Variants in STX7 observed in about 807,000 individuals in gnomAD.
STX7 encodes syntaxin-7.
Under a neutral mutation model 39.6 loss-of-function variants are expected in STX7, and 34 were observed. The observed-to-expected ratio is 0.86, with a 90% CI of 0.65 to 1.14. The LOEUF (loss-of-function observed/expected upper bound fraction) is 1.14. Among genes scored for constraint, STX7 ranks in the 50% most tolerant of loss-of-function variants. The pLI is 0.00. For synonymous variants in STX7, 119 were observed against 99.1 expected, an observed-to-expected ratio of 1.20 and a Z score of -1.19; for missense variants, 284 against 310.4, an observed-to-expected ratio of 0.92 and a Z score of 0.64.
At chr6:132,495,515 C>G (rs964061742) in intron 2 of STX7, among the ~76,000 whole-genome samples, 1 of 152,114 alleles carries the variant, frequency 6.6e-6, no homozygotes, top group Non-Finnish European at 1.5e-5. Flanking sequence ...AAACTGCCTT[C>G]CCATCCCACC....
chr6:132,485,178 G>A (rs1029109833), intron 2 of STX7, among the ~76,000 whole-genome samples: 1 of 152,012 alleles, frequency 6.6e-6, no homozygotes, highest in African/African-American at 2.4e-5. Context: ...CCTCCCTCCT[G>A]CATATCTGTT....
chr6:132,508,986 G>A (rs569846314), intron 1 of STX7, among the ~76,000 whole-genome samples: 1 of 152,174 alleles, frequency 6.6e-6, no homozygotes, highest in East Asian at 1.9e-4. Context: ...CTATCATGTG[G>A]GTATAATTGC....
intron 2 of STX7, among the ~76,000 whole-genome samples, chr6:132,486,664 GTT>G (rs386408642): frequency 0.024 from 3,019 of 125,056 alleles, 77 homozygotes; most frequent in African/African-American, 0.085. Context: ...TTTTTTCTGG[GTT>G]TTTTTTTTTT....
At chr6:132,467,521 A>G (rs1774593786) in intron 8 of STX7, among the ~76,000 whole-genome samples, 2 of 152,122 alleles carry the variant, frequency 1.3e-5, no homozygotes, top group Non-Finnish European at 2.9e-5. Flanking sequence ...TATAAGATCA[A>G]TTGAGATAGG....
intron 1 of STX7, among the ~76,000 whole-genome samples, chr6:132,512,106 A>G (rs949154980): frequency 1.3e-5 from 2 of 151,990 alleles, no homozygotes; most frequent in Admixed American, 6.5e-5. Context: ...AGGTGTGCTC[A>G]GAGAACCTGC....
At chr6:132,485,490 T>G (rs1310127260) in intron 2 of STX7, among the ~76,000 whole-genome samples, 1 of 152,202 alleles carries the variant, frequency 6.6e-6, no homozygotes, top group African/African-American at 2.4e-5. Flanking sequence ...GCCCTACAAG[T>G]CTTTGTATGG....
chr6:132,472,413 A>G, intron 3 of STX7, 38 bp from the exon 4 acceptor site: 3 of 1,489,222 alleles, frequency 2.0e-6, no homozygotes, highest in Non-Finnish European at 2.8e-6. Context: ...CAAAGGACTA[A>G]TATACTTCTT....
chr6:132,491,299 TCA>T (rs139913982), intron 2 of STX7, among the ~76,000 whole-genome samples: 3,523 of 147,946 alleles, frequency 0.024, 127 homozygotes, highest in African/African-American at 0.081. Flanking sequence ...AATGAAGTAA[TCA>T]CAGTTTAAAG....
chr6:132,505,954 T>G (rs560578720), intron 1 of STX7, among the ~76,000 whole-genome samples: 1 of 152,162 alleles, frequency 6.6e-6, no homozygotes, highest in Admixed American at 6.5e-5. Context: ...TACAGTCAAT[T>G]GATCTTTTTG....
chr6:132,505,840 T>G (rs1775693832), intron 1 of STX7, among the ~76,000 whole-genome samples: 1 of 150,146 alleles, frequency 6.7e-6, no homozygotes, highest in Non-Finnish European at 1.5e-5. Flanking sequence ...GACCTCAAAT[T>G]ATACTAAAAG....
rs1283174358 is a variant in STX7 at position 132,447,057 on chromosome 6, A to C, written c.*13701T>G. On this transcript the variant is annotated 3_prime_UTR_variant, in exon 10 of 10. Coordinates refer to ENST00000367941, the MANE Select transcript of STX7 (RefSeq NM_003569.3). ...TTTTATGATGGCTCAGCGGAAAATTAGTAAATACAACCAGTGTGTTAGAAA... is the reference window on the plus strand; with the variant it reads ...TTTTATGATGGCTCAGCGGAAAATTCGTAAATACAACCAGTGTGTTAGAAA... 1 of 152,212 alleles carries C rather than the reference A, an allele frequency of 6.6e-6. No homozygotes were observed. The highest frequency in any genetic ancestry group is 1.5e-5 in the Non-Finnish European group (1 of 68,024). 9.4% of individuals were successfully genotyped at this position (152,212 alleles called of 1,614,324 possible).
chr6:132,488,392 C>A (rs1283044168), intron 2 of STX7, among the ~76,000 whole-genome samples: 1 of 152,180 alleles, frequency 6.6e-6, no homozygotes, highest in Non-Finnish European at 1.5e-5. Flanking sequence ...AAGTGGCTGT[C>A]ACCATCAAGG....
chr6:132,466,521 C>T (rs1774569337), intron 8 of STX7, among the ~76,000 whole-genome samples: 2 of 152,148 alleles, frequency 1.3e-5, no homozygotes, highest in Admixed American at 6.5e-5. Flanking sequence ...TAAATGAATA[C>T]ATGTAGTTTG....
chr6:132,508,923 A>G (rs774508529), intron 1 of STX7, among the ~76,000 whole-genome samples: 1 of 152,228 alleles, frequency 6.6e-6, no homozygotes, highest in Non-Finnish European at 1.5e-5. Context: ...TACATTTCCT[A>G]AGCATTGTGC....
intron 5 of STX7, 54 bp downstream of exon 5, chr6:132,471,409 G>C: frequency 6.5e-7 from 1 of 1,548,474 alleles, no homozygotes. Context: ...GACTTTTATG[G>C]GACCCTTAGC....
At chr6:132,511,159 T>TATTC (rs1775837310) in intron 1 of STX7, among the ~76,000 whole-genome samples, 2 of 152,232 alleles carry the variant, frequency 1.3e-5, no homozygotes, top group African/African-American at 2.4e-5. Context: ...ATTTGTAGAA[T>TATTC]GAATGAATGT....
chr6:132,464,711 T>C (rs1011347617), intron 8 of STX7, among the ~76,000 whole-genome samples: 3 of 152,316 alleles, frequency 2.0e-5, no homozygotes, highest in South Asian at 2.1e-4. Context: ...TGTTCTGTAA[T>C]GGCCGACTCA....
Position 132,450,045 on chromosome 6 carries a change from C to T in STX7, c.*10713G>A, listed in dbSNP as rs1313049837. The T allele has an allele frequency of 6.6e-6, 1 of 152,210 alleles. No individual in the cohort carries two copies. The highest frequency in any genetic ancestry group is 1.5e-5 in the Non-Finnish European group (1 of 68,040). The allele number at this position is 152,210 out of a possible 1,614,324, so 9.4% of individuals were successfully genotyped here. A position where few individuals can be genotyped will look rare whatever the true frequency, so the allele number is the denominator to read the frequency against. ...AGGAATCTTAGGTTCACTTTCTTTA[C>T]TTTGCCTGGAGTCCATGGCTTAAGT... On this transcript the variant is annotated 3_prime_UTR_variant, in exon 10 of 10. Transcript: ENST00000367941.
At chr6:132,471,077 C>T (rs1048603171) in intron 5 of STX7, among the ~76,000 whole-genome samples, 7 of 152,228 alleles carry the variant, frequency 4.6e-5, no homozygotes, top group African/African-American at 1.4e-4. Context: ...AACATACTTG[C>T]GCCATTCATC....
Sources: gnomAD v4.1 joint callset for allele counts (sites outside exome capture counted in the v4.1 genomes callset) on GRCh38, gnomAD v4.1.1 for gene constraint, MANE v1.5 for transcripts, NCBI Gene and HGNC (gene_info 2026-07-23, HGNC 2026-07-21) for gene names.